UPP2: variants seen among roughly 807,000 people sequenced by gnomAD.
UPP2 encodes the protein UPase 2.
In UPP2, 23 loss-of-function variants were observed where a neutral mutation model predicts 26.7. That is an observed-to-expected ratio of 0.86 (90% CI 0.62 to 1.22). UPP2 has a LOEUF of 1.22. Among genes scored for constraint, UPP2 ranks in the 50% most tolerant of loss-of-function variants. UPP2 has a pLI of 0.00. For missense variants in UPP2, 387 were observed against 396.7 expected (o/e 0.98, Z 0.21); for synonymous variants, 127 against 141.3 (o/e 0.90, Z 0.72).
chr2:158,093,254 G>A (rs1475344429), intron 3 of UPP2, among the ~76,000 whole-genome samples: 3 of 141,066 alleles, frequency 2.1e-5, no homozygotes, highest in African/African-American at 8.4e-5. Flanking sequence ...AATGTAGGAA[G>A]GCGGTAAAAA....
At chr2:158,101,390 T>C (rs544011600), upstream of UPP2, among the ~76,000 whole-genome samples, 1 of 152,330 alleles carries the variant, frequency 6.6e-6, no homozygotes, top group African/African-American at 2.4e-5. Context: ...AAAGAGGCCC[T>C]GGGAAATAAG....
chr2:158,033,098 C>G (rs554585636), intron 3 of UPP2, among the ~76,000 whole-genome samples: 2 of 152,214 alleles, frequency 1.3e-5, no homozygotes, highest in African/African-American at 4.8e-5. Context: ...CAACACCCAG[C>G]TATTAGAACT....
At chr2:158,113,637 C>A (rs542901560) in intron 2 of UPP2, among the ~76,000 whole-genome samples, 135 of 152,326 alleles carry the variant, frequency 8.9e-4, no homozygotes, top group African/African-American at 3.1e-3. Flanking sequence ...AAACAAGATG[C>A]ATCATGTACT....
intron 6 of UPP2, chr2:158,133,810 C>T (rs1683874360): frequency 6.6e-6 from 1 of 152,226 alleles, no homozygotes; most frequent in African/African-American, 2.4e-5. Context: ...AATACAGACA[C>T]ATCCAATCCA....
At chr2:158,035,332 T>G (rs908358510) in intron 3 of UPP2, among the ~76,000 whole-genome samples, 2 of 152,060 alleles carry the variant, frequency 1.3e-5, no homozygotes, top group Non-Finnish European at 2.9e-5. Context: ...AATTTTTGTA[T>G]TTTTAGTGGA....
At chr2:158,071,031 T>C (rs1682531090) in intron 3 of UPP2, among the ~76,000 whole-genome samples, 1 of 152,026 alleles carries the variant, frequency 6.6e-6, no homozygotes, top group Admixed American at 6.5e-5. Context: ...GGGACTTGAG[T>C]TTCTCTGCAA....
In UPP2 at chr2:158,031,897, C is replaced by T. The variant is rs374607253; in HGVS notation, c.147+16011C>T. 1.5e-4 allele frequency among the ~76,000 whole-genome samples: 23 copies of T among 152,224 alleles called. No individual in the cohort carries two copies. In the East Asian group the frequency reaches 3.1e-3, roughly 20 times the overall value. On this transcript the variant is annotated intron_variant, in intron 3 of 9. Transcript: ENST00000605860. ...TTTTAAAAGGTGGTTAGAATTTGAT[C>T]GTGATCATGATCATCACCATTATCA...
intron 6 of UPP2, among the ~76,000 whole-genome samples, chr2:158,127,647 CA>C (rs1448072646): frequency 2.0e-5 from 3 of 152,074 alleles, no homozygotes; most frequent in Non-Finnish European, 4.4e-5. Context: ...AAGGTCTATA[CA>C]AATATTTATT....
intron 3 of UPP2, among the ~76,000 whole-genome samples, chr2:158,049,312 G>T (rs1194873307): frequency 3.9e-5 from 6 of 152,218 alleles, no homozygotes; most frequent in Admixed American, 3.9e-4. Context: ...GTGTGCATCT[G>T]TCAGTGGCAT....
chr2:158,047,638 T>C (rs989573447), intron 3 of UPP2, among the ~76,000 whole-genome samples: 6 of 152,224 alleles, frequency 3.9e-5, no homozygotes, highest in Admixed American at 1.3e-4. Flanking sequence ...AAAAATGCAC[T>C]TCATTATCAG....
At chr2:158,000,520 C>G in intron 2 of UPP2, among the ~76,000 whole-genome samples, 1 of 152,250 alleles carries the variant, frequency 6.6e-6, no homozygotes, top group East Asian at 1.9e-4. Context: ...TCCCTTTTCT[C>G]TCTCTCCTGT....
intron 2 of UPP2, among the ~76,000 whole-genome samples, chr2:157,999,731 G>A (rs1346597683): frequency 6.6e-6 from 1 of 152,114 alleles, no homozygotes; most frequent in Admixed American, 6.6e-5. Context: ...ATGTAGGCCT[G>A]CATGTTTTTG....
At chr2:158,073,625 A>G (rs1283447704) in intron 3 of UPP2, among the ~76,000 whole-genome samples, 1 of 152,216 alleles carries the variant, frequency 6.6e-6, no homozygotes, top group Non-Finnish European at 1.5e-5. Flanking sequence ...AGGAGCTCCA[A>G]TACATCTGGC....
chr2:158,044,637 T>C (rs575051502), intron 3 of UPP2, among the ~76,000 whole-genome samples: 108 of 152,326 alleles, frequency 7.1e-4, no homozygotes, highest in Non-Finnish European at 1.3e-3. Flanking sequence ...AGTCTTAAAT[T>C]AATGCTTATG....
chr2:158,106,252 G>A (rs971332818), intron 2 of UPP2, 36 bp downstream of exon 2: 1 of 1,574,180 alleles, frequency 6.4e-7, no homozygotes, highest in African/African-American at 1.4e-5. Context: ...AAATGATTGA[G>A]TTTTCTCTAC....
chr2:157,995,690 C>A (rs1434122640), intron 2 of UPP2, among the ~76,000 whole-genome samples: 2 of 151,854 alleles, frequency 1.3e-5, no homozygotes, highest in African/African-American at 4.8e-5. Flanking sequence ...TATTCTAAGT[C>A]TTTCTGCATT....
At chr2:158,086,700 T>A (rs147614062) in intron 3 of UPP2, among the ~76,000 whole-genome samples, 3,557 of 152,108 alleles carry the variant, frequency 0.023, 140 homozygotes, top group African/African-American at 0.078. Flanking sequence ...CACTATTATC[T>A]TTCAGTTCAA....
At chr2:158,103,465 T>C (rs950744799) in intron 1 of UPP2, among the ~76,000 whole-genome samples, 15 of 152,142 alleles carry the variant, frequency 9.9e-5, no homozygotes, top group African/African-American at 3.4e-4. Flanking sequence ...TTTCTAGAGA[T>C]AGGGTCTAGG....
intron 3 of UPP2, among the ~76,000 whole-genome samples, chr2:158,020,001 A>T (rs1683723802): frequency 6.6e-6 from 1 of 152,202 alleles, no homozygotes; most frequent in Non-Finnish European, 1.5e-5. Flanking sequence ...CAAAATCCAA[A>T]ATCTGTCTCT....
Sources: allele counts gnomAD v4.1 joint callset (sites outside exome capture counted in the v4.1 genomes callset), GRCh38; gene constraint gnomAD v4.1.1; transcripts MANE v1.5; gene names NCBI Gene and HGNC (gene_info 2026-07-23, HGNC 2026-07-21).